TBC1D1: variants seen among roughly 807,000 people sequenced by gnomAD.
TBC1D1 encodes TBC1 (tre-2/USP6, BUB2, cdc16) domain family, member 1.
Under a neutral mutation model 125.6 loss-of-function variants are expected in TBC1D1, and 89 were observed. The observed-to-expected ratio is 0.71, with a 90% CI of 0.60 to 0.85. The LOEUF (loss-of-function observed/expected upper bound fraction) is 0.85, where lower values mean the gene tolerates loss of function less well. Ranked by LOEUF, TBC1D1 falls within the 40% of genes least tolerant of loss-of-function variation. The probability of loss-of-function intolerance (pLI) is 0.00; values close to 1 mark genes in which losing one functional copy is unlikely to be tolerated. For synonymous variants in TBC1D1, 565 were observed against 564.1 expected (o/e 1.00, Z -0.02); for missense variants, 1,377 against 1,469.2 (o/e 0.94, Z 1.03).
At chr4:37,960,915 C>A (rs746093633) in intron 2 of TBC1D1, 96 of 1,614,064 alleles carry the variant, frequency 5.9e-5, no homozygotes, top group Non-Finnish European at 8.0e-5. Context: ...GCTGTTTCAG[C>A]TGGGCCCCCC....
intron 15 of TBC1D1, among the ~76,000 whole-genome samples, chr4:38,104,931 A>C (rs543338524): frequency 2.8e-4 from 43 of 151,378 alleles, no homozygotes; most frequent in African/African-American, 9.7e-4. Context: ...AATTTTTTGT[A>C]TTTTTAGTAG....
intron 18 of TBC1D1, among the ~76,000 whole-genome samples, chr4:38,131,741 A>T (rs1765620455): frequency 6.6e-6 from 1 of 152,222 alleles, no homozygotes; most frequent in African/African-American, 2.4e-5. Flanking sequence ...AATGGAGATA[A>T]TAATCCCTGC....
intron 7 of TBC1D1, among the ~76,000 whole-genome samples, chr4:38,032,995 C>T (rs1383524300): frequency 1.3e-5 from 2 of 152,126 alleles, no homozygotes; most frequent in Non-Finnish European, 2.9e-5. Flanking sequence ...ATAACACCAT[C>T]GACGTTTATT....
At position 37,946,642 on chromosome 4, in the gene TBC1D1, G is replaced by A. The variant is rs541722539; in HGVS notation, c.417+44130G>A. Among the ~76,000 whole-genome samples, 4 of 152,316 alleles carry A rather than the reference G, an allele frequency of 2.6e-5. No individual in the cohort carries two copies. In the East Asian group the frequency reaches 5.8e-4, roughly 22 times the overall value. On this transcript the variant is annotated intron_variant, in intron 2 of 19. Coordinates refer to ENST00000261439, the MANE Select transcript of TBC1D1 (RefSeq NM_015173.4). ...GCCCAGGGAAAAGGACTGTGGGCAT[G>A]ACCTGCAGGAAGAGGAAGCCGGGCT...
intron 12 of TBC1D1, among the ~76,000 whole-genome samples, chr4:38,059,411 C>T (rs1752355153): frequency 6.6e-6 from 1 of 152,168 alleles, no homozygotes; most frequent in East Asian, 1.9e-4. Context: ...GCGATTTTTA[C>T]TTGGAGACTT....
chr4:38,136,267 G>A (rs912930183), intron 19 of TBC1D1, among the ~76,000 whole-genome samples: 1 of 152,220 alleles, frequency 6.6e-6, no homozygotes, highest in African/African-American at 2.4e-5. Flanking sequence ...TTAATTATGT[G>A]CTAGGTGCTG....
chr4:38,096,742 A>G (rs536139675), intron 14 of TBC1D1, among the ~76,000 whole-genome samples: 1 of 152,382 alleles, frequency 6.6e-6, no homozygotes, highest in South Asian at 2.1e-4. Context: ...AAATGTTTCC[A>G]GCAATGTGAC....
chr4:37,971,706 C>T (rs1223463551), intron 2 of TBC1D1, among the ~76,000 whole-genome samples: 1 of 152,156 alleles, frequency 6.6e-6, no homozygotes, highest in East Asian at 1.9e-4. Context: ...AGTAAAGGAT[C>T]TAAAACTGTA....
intron 2 of TBC1D1, chr4:37,960,919 G>A (rs1560535231): frequency 1.2e-6 from 2 of 1,614,118 alleles, no homozygotes; most frequent in East Asian, 2.2e-5. Flanking sequence ...TTTCAGCTGG[G>A]CCCCCCTTCA....
intron 2 of TBC1D1, among the ~76,000 whole-genome samples, chr4:37,948,233 G>A (rs1727123141): frequency 6.6e-6 from 1 of 152,206 alleles, no homozygotes; most frequent in African/African-American, 2.4e-5. Context: ...CAGTGGGTGT[G>A]TGAAGAAGAG....
intron 13 of TBC1D1, among the ~76,000 whole-genome samples, chr4:38,091,336 G>A (rs12510937): frequency 0.15 from 23,375 of 152,204 alleles, 1,914 homozygotes; most frequent in South Asian, 0.2. Context: ...GAAGATGATA[G>A]CACACTGGGG....
intron 10 of TBC1D1, 145 bp downstream of exon 10, chr4:38,046,048 C>A: frequency 1.4e-6 from 1 of 693,322 alleles, no homozygotes; most frequent in South Asian, 1.7e-5. Flanking sequence ...GCAGTTCTAT[C>A]ATAACATAAA....
rs757078852 is a variant in TBC1D1, at chr4:38,137,131, C to G, written c.3307-4C>G. ...GTATTCTCATTTCTTCTTTTATTCT[C>G]CAGGTGGCAAATGGTAGGATCCAAA... On this transcript the variant is annotated splice_polypyrimidine_tract_variant and splice_region_variant and intron_variant, in intron 19 of 19. Transcript: ENST00000261439. The G allele has an allele frequency of 4.3e-6, 7 of 1,613,214 alleles. No individual in the cohort carries two copies. Among genetic ancestry groups the G allele is most frequent in the Middle Eastern group, 1.8e-4 (1 of 5,588 alleles).
chr4:37,966,788 G>A (rs371935514), intron 2 of TBC1D1, among the ~76,000 whole-genome samples: 3 of 152,028 alleles, frequency 2.0e-5, no homozygotes, highest in Admixed American at 1.3e-4. Flanking sequence ...AACAGGCCCC[G>A]GTGTGTGATG....
chr4:38,073,438 T>C (rs552163366), intron 12 of TBC1D1, among the ~76,000 whole-genome samples: 2 of 152,220 alleles, frequency 1.3e-5, no homozygotes. Context: ...TGAGGTAATA[T>C]CTCATTGTGG....
intron 12 of TBC1D1, among the ~76,000 whole-genome samples, chr4:38,054,773 G>T (rs1030133783): frequency 6.6e-6 from 1 of 152,214 alleles, no homozygotes; most frequent in Non-Finnish European, 1.5e-5. Flanking sequence ...CTTGAGAGAT[G>T]AAGTGTGAGA....
chr4:37,950,613 A>G (rs1014145317), intron 2 of TBC1D1, among the ~76,000 whole-genome samples: 1 of 131,540 alleles, frequency 7.6e-6, no homozygotes, highest in Non-Finnish European at 1.6e-5. Flanking sequence ...CAATAGCAAC[A>G]TTCCCCACCA....
chr4:37,929,785 C>A (rs577764190), intron 2 of TBC1D1, among the ~76,000 whole-genome samples: 69 of 152,260 alleles, frequency 4.5e-4, no homozygotes, highest in Non-Finnish European at 8.4e-4. Flanking sequence ...TGAACTATGT[C>A]AATGAGTCTG....
At chr4:38,135,854 A>ACG (rs1766426775) in intron 19 of TBC1D1, among the ~76,000 whole-genome samples, 1 of 69,062 alleles carries the variant, frequency 1.4e-5, no homozygotes, top group African/African-American at 4.5e-5. Flanking sequence ...ATATATATAT[A>ACG]TGTGTGTGTG....
Sources: gnomAD v4.1 joint callset for allele counts (sites outside exome capture counted in the v4.1 genomes callset) on GRCh38, gnomAD v4.1.1 for gene constraint, MANE v1.5 for transcripts, NCBI Gene and HGNC (gene_info 2026-07-23, HGNC 2026-07-21) for gene names.